ENOX1: variants seen among roughly 807,000 people sequenced by gnomAD.
The protein encoded by ENOX1 is ecto-NOX disulfide-thiol exchanger 1.
Under a neutral mutation model 82.5 loss-of-function variants are expected in ENOX1, and 42 were observed. That is an observed-to-expected ratio of 0.51 (90% confidence interval 0.40 to 0.66). ENOX1 has a LOEUF of 0.66. Among genes scored for constraint, ENOX1 ranks in the 30% least tolerant of loss-of-function variants. The pLI, the probability that ENOX1 is intolerant of heterozygous loss-of-function variation, is 0.00. For synonymous variants in ENOX1, 271 were observed against 282.2 expected (o/e 0.96, Z 0.40); for missense variants, 608 against 811.6 (o/e 0.75, Z 3.05).
intron 4 of ENOX1, among the ~76,000 whole-genome samples, chr13:43,412,255 T>C (rs2153599121): frequency 6.6e-6 from 1 of 152,292 alleles, no homozygotes; most frequent in Middle Eastern, 3.4e-3. Context: ...GAAAACTTAA[T>C]GACATGTAGT....
intron 16 of ENOX1, among the ~76,000 whole-genome samples, chr13:43,220,680 A>G (rs2041739938): frequency 6.6e-6 from 1 of 152,140 alleles, no homozygotes; most frequent in African/African-American, 2.4e-5. Flanking sequence ...TTCTTTATGT[A>G]GTCAAGTGGG....
At chr13:43,784,320 G>T (rs1016940495) in intron 1 of ENOX1, among the ~76,000 whole-genome samples, 2 of 152,106 alleles carry the variant, frequency 1.3e-5, no homozygotes, top group Admixed American at 1.3e-4. Flanking sequence ...GGAAATCAAG[G>T]TATGAACTAG....
intron 2 of ENOX1, among the ~76,000 whole-genome samples, chr13:43,578,435 A>C (rs893922930): frequency 6.6e-6 from 1 of 152,166 alleles, no homozygotes; most frequent in Non-Finnish European, 1.5e-5. Flanking sequence ...GAAAACTTTT[A>C]TCTCTAATTC....
intron 1 of ENOX1, among the ~76,000 whole-genome samples, chr13:43,695,053 G>A (rs549842445): frequency 5.3e-5 from 8 of 152,028 alleles, no homozygotes; most frequent in Non-Finnish European, 1.0e-4. Context: ...CACACACATC[G>A]ATGGCACACT....
chr13:43,562,166 C>T (rs921391682), intron 2 of ENOX1, among the ~76,000 whole-genome samples: 3 of 151,958 alleles, frequency 2.0e-5, no homozygotes, highest in Non-Finnish European at 4.4e-5. Context: ...ATAGTTATAA[C>T]AACTTTTCAA....
At chr13:43,401,225 A>C (rs1020500566) in intron 5 of ENOX1, among the ~76,000 whole-genome samples, 6 of 152,184 alleles carry the variant, frequency 3.9e-5, no homozygotes, top group African/African-American at 1.4e-4. Context: ...CTTTAAAAAG[A>C]CTTTGTCTGT....
At chr13:43,229,861 T>C (rs1036042389) in intron 15 of ENOX1, among the ~76,000 whole-genome samples, 2 of 152,156 alleles carry the variant, frequency 1.3e-5, no homozygotes, top group Non-Finnish European at 2.9e-5. Context: ...ATGAGAATAT[T>C]GGGGAAGGAG....
chr13:43,587,666 A>G (rs746944394), intron 2 of ENOX1, among the ~76,000 whole-genome samples: 15 of 152,210 alleles, frequency 9.9e-5, no homozygotes, highest in Admixed American at 2.0e-4. Context: ...CTGACAGTAT[A>G]GCTCATCTTG....
intron 16 of ENOX1, among the ~76,000 whole-genome samples, chr13:43,223,801 C>A (rs1484291365): frequency 6.6e-6 from 1 of 152,176 alleles, no homozygotes; most frequent in East Asian, 1.9e-4. Flanking sequence ...CTCTCATAAG[C>A]TTTCCAAATT....
chr13:43,706,333 C>T (rs1468573417), intron 1 of ENOX1, among the ~76,000 whole-genome samples: 2 of 151,596 alleles, frequency 1.3e-5, no homozygotes, highest in Non-Finnish European at 2.9e-5. Context: ...TAATGAATAT[C>T]AGCAGGGCCA....
At chr13:43,400,416 A>G (rs997250331) in intron 5 of ENOX1, among the ~76,000 whole-genome samples, 1 of 152,214 alleles carries the variant, frequency 6.6e-6, no homozygotes, top group Non-Finnish European at 1.5e-5. Context: ...GGATGTACAT[A>G]GGTTGACTCA....
At chr13:43,715,648 T>C (rs986057389) in intron 1 of ENOX1, among the ~76,000 whole-genome samples, 3 of 152,210 alleles carry the variant, frequency 2.0e-5, no homozygotes, top group Non-Finnish European at 4.4e-5. Context: ...CCATATTTCT[T>C]GGAGGCTTTG....
chr13:43,744,920 A>G (rs55712308), intron 1 of ENOX1, among the ~76,000 whole-genome samples: 3,307 of 152,282 alleles, frequency 0.022, 135 homozygotes, highest in African/African-American at 0.077. Flanking sequence ...AGCATTACGG[A>G]TTACTAACAA....
Position 43,298,493 on chromosome 13 carries a change from A to G in ENOX1, c.1299T>C (p.Asn433=). The change falls in exon 12 of 17, where the codon AAT becomes AAC. Residue 433 remains asparagine, a synonymous_variant. Coordinates refer to ENST00000690772, the MANE Select transcript of ENOX1 (RefSeq NM_001347969.2). ...CATCCAGCTGCCAGCGGAGACTGTC[A>G]TTCTCCTCTTTCAGAGCGTAGGCCT... The part of the protein sequence containing the change: ...AAQAYALKEE[N]DSLRWQLDAY... 6.2e-7 allele frequency: 1 copy of G among 1,613,846 alleles called. No individual in the cohort carries two copies.
At chr13:43,618,102 C>T (rs1200104215) in intron 2 of ENOX1, among the ~76,000 whole-genome samples, 1 of 151,904 alleles carries the variant, frequency 6.6e-6, no homozygotes, top group Non-Finnish European at 1.5e-5. Context: ...TTGTTGAGTT[C>T]GTTGTAGATT....
intron 6 of ENOX1, among the ~76,000 whole-genome samples, chr13:43,360,474 G>A (rs1220488308): frequency 6.6e-6 from 1 of 152,126 alleles, no homozygotes; most frequent in Non-Finnish European, 1.5e-5. Flanking sequence ...ACAGAATACG[G>A]GAAGCATAAC....
intron 10 of ENOX1, among the ~76,000 whole-genome samples, chr13:43,324,531 C>T (rs2047998889): frequency 6.6e-6 from 1 of 152,096 alleles, no homozygotes; most frequent in Non-Finnish European, 1.5e-5. Context: ...AGAAATCATC[C>T]ACAATGTTAA....
At chr13:43,330,005 C>T (rs540029675) in intron 9 of ENOX1, among the ~76,000 whole-genome samples, 2 of 152,274 alleles carry the variant, frequency 1.3e-5, no homozygotes, top group South Asian at 2.1e-4. Context: ...AGACAGCATA[C>T]TTTTAAGCTC....
chr13:43,281,210 T>TAGCAGC (rs35709284), intron 12 of ENOX1, among the ~76,000 whole-genome samples: 2 of 151,838 alleles, frequency 1.3e-5, no homozygotes, highest in Non-Finnish European at 2.9e-5. Context: ...ATAATAATAA[T>TAGCAGC]AGCAGCAGCA....
Sources: allele counts gnomAD v4.1 joint callset (sites outside exome capture counted in the v4.1 genomes callset), GRCh38; gene constraint gnomAD v4.1.1; transcripts MANE v1.5; gene names NCBI Gene and HGNC (gene_info 2026-07-23, HGNC 2026-07-21).